Variants in C2orf81 observed in about 807,000 individuals in gnomAD.
The protein encoded by C2orf81 is uncharacterized protein C2orf81.
C2orf81 carries 5 observed loss-of-function variants against 7.9 expected under a neutral mutation model. The observed-to-expected ratio is 0.63, with a 90% CI of 0.33 to 1.33. The LOEUF is 1.33. Ranked by LOEUF, C2orf81 falls within the 40% of genes most tolerant of loss-of-function variation. The pLI, the probability that C2orf81 is intolerant of heterozygous loss-of-function variation, is 0.05. For missense variants in C2orf81, 781 were observed against 830.4 expected, an observed-to-expected ratio of 0.94 and a Z score of 0.73; for synonymous variants, 346 against 367.4, an observed-to-expected ratio of 0.94 and a Z score of 0.66.
At chr2:74,416,499 G>C (rs897977593) in intron 1 of C2orf81, 23 of 305,716 alleles carry the variant, frequency 7.5e-5, no homozygotes, top group Non-Finnish European at 1.0e-4. Flanking sequence ...CCCGGGAGAT[G>C]GAGGTTGCAG....
intron 1 of C2orf81, among the ~76,000 whole-genome samples, chr2:74,417,025 G>A (rs1178435278): frequency 6.6e-6 from 1 of 152,188 alleles, no homozygotes; most frequent in African/African-American, 2.4e-5. Context: ...AGCCTGCCAT[G>A]CCCCAGCCCC....
At chr2:74,416,327 A>G (rs987991470) in intron 1 of C2orf81, 86 bp from the exon 2 acceptor site, 19 of 990,674 alleles carry the variant, frequency 1.9e-5, no homozygotes, top group Non-Finnish European at 2.6e-5. Flanking sequence ...AGCTTTCTCA[A>G]GTTGTCTAGT....
Position 74,414,460 on chromosome 2 carries a change from C to G in C2orf81, c.1717G>C (p.Val573Leu). ...LPEALKLAPG[V>L]SMWNRSTQVL... ...TGGGTGCTCCGGTTCCACATGCTCA[C>G]ACCAGGGGCCAGCTTCAGGGCTTCT... Residue 573 changes from valine to leucine, a missense_variant, in exon 3 of 3, where the codon GTG becomes CTG. Physicochemically the swap from Val to Leu is conservative, Grantham distance 32. Transcript: ENST00000684111. This position sits in a 1 kb window ranked among gnomAD's most constrained non-coding sequence, Gnocchi z 5.3. 2 of 1,551,306 alleles carry G rather than the reference C, an allele frequency of 1.3e-6. No homozygotes were observed. Among genetic ancestry groups the G allele is most frequent in the Non-Finnish European group, 8.7e-7 (1 of 1,146,716 alleles).
At position 74,415,732 on chromosome 2, in the gene C2orf81, C is replaced by A; in HGVS notation, c.445G>T (p.Gly149Cys). ...ACTTCGCCTTGGAAGTTCTCCAGGC[C>A]CTCCGAGGTGGACGCGTGCAGCACG... ...VPVLHASTSE[G>C]LENFQGEVHS... Residue 149 changes from glycine (G) to cysteine (C), a missense_variant, in exon 3 of 3, where the codon GGC becomes TGC. Coordinates refer to ENST00000684111, the MANE Select transcript of C2orf81 (RefSeq NM_001316764.3). This position sits in a 1 kb window ranked among gnomAD's most constrained non-coding sequence, Gnocchi z 5.5. 1 of 1,551,580 alleles carries A rather than the reference C, an allele frequency of 6.4e-7. No individual in the cohort carries two copies. The highest frequency in any genetic ancestry group is 8.7e-7 in the Non-Finnish European group (1 of 1,147,000).
chr2:74,418,539 G>C, intron 1 of C2orf81: 1 of 810,546 alleles, frequency 1.2e-6, no homozygotes, highest in Non-Finnish European at 2.1e-6. Flanking sequence ...CGGGAGCAGC[G>C]GTGCTGGGCG....
At chr2:74,420,772 C>CTTTTTTTTTTTTTTTTTT (rs745827470) in intron 1 of C2orf81, among the ~76,000 whole-genome samples, 5 of 72,700 alleles carry the variant, frequency 6.9e-5, no homozygotes, top group Admixed American at 2.0e-4. Context: ...TCTTCTTCTT[C>CTTTTTTTTTTTTTTTTTT]TTTTTTTTTT....
chr2:74,415,600 G>T lies in C2orf81; in HGVS notation c.577C>A (p.Arg193=), dbSNP rs759254846. ...AFPQDPGGVD[R]IPLGRSWMGR... is the part of the protein sequence containing the mutation. ...ATCCACGACCTTCCTAAAGGGATCC[G>T]GTCCACGCCCCCAGGGTCCTGGGGA... The change falls in exon 3 of 3, where the codon CGG becomes AGG. Residue 193 remains arginine, a synonymous_variant. Coordinates refer to ENST00000684111, the MANE Select transcript of C2orf81 (RefSeq NM_001316764.3). The surrounding 1 kb of genome is among the most constrained non-coding windows in gnomAD (Gnocchi z 5.5). The T allele has an allele frequency of 1.3e-6, 2 of 1,551,196 alleles. No homozygotes were observed. Among genetic ancestry groups the T allele is most frequent in the Non-Finnish European group, 1.7e-6 (2 of 1,146,996 alleles).
At chr2:74,420,867 G>A (rs1676592721) in intron 1 of C2orf81, among the ~76,000 whole-genome samples, 1 of 122,362 alleles carries the variant, frequency 8.2e-6, no homozygotes, top group Non-Finnish European at 1.6e-5. Flanking sequence ...TGCAACCTCC[G>A]CCTCCCGAGT....
chr2:74,421,126 C>T (rs1676601667), intron 1 of C2orf81, among the ~76,000 whole-genome samples: 1 of 152,224 alleles, frequency 6.6e-6, no homozygotes, highest in South Asian at 2.1e-4. Flanking sequence ...AACAATTTGA[C>T]TTTCAAGTGC....
chr2:74,415,320 G>A lies in C2orf81; in HGVS notation c.857C>T (p.Ala286Val), dbSNP rs1469127491. The change falls in exon 3 of 3, where the codon GCC (alanine) becomes GTC (valine). Residue 286 changes from alanine to valine, a missense_variant. Transcript: ENST00000684111. The surrounding 1 kb of genome is among the most constrained non-coding windows in gnomAD (Gnocchi z 5.5). ...GAGGGGGTGTCCCCTCCCAGTTGAG[G>A]CCTGGGGGCTGGCTACCAGGTACGG... ...LDPYLVASPQ[A>V]STGRGHPLGF... 7 of 1,545,672 alleles carry A rather than the reference G, an allele frequency of 4.5e-6. No homozygotes were observed. Among genetic ancestry groups the A allele is most frequent in the African/African-American group, 1.4e-5 (1 of 72,868 alleles).
Position 74,415,587 on chromosome 2 carries a change from C to T in C2orf81, c.590G>A (p.Gly197Glu), listed in dbSNP as rs1676433323. The change falls in exon 3 of 3, where the codon GGA becomes GAA. Residue 197 changes from glycine (G) to glutamate (E), a missense_variant. Transcript: ENST00000684111. The surrounding 1 kb of genome is among the most constrained non-coding windows in gnomAD (Gnocchi z 5.5). ...DPGGVDRIPL[G>E]RSWMGRGSQE... ...GGAGCCTCGACCCATCCACGACCTT[C>T]CTAAAGGGATCCGGTCCACGCCCCC... is the stretch of plus-strand genomic sequence containing the variant. 2 of 1,551,344 alleles carry T rather than the reference C, an allele frequency of 1.3e-6. No homozygotes were observed. The highest frequency in any genetic ancestry group is 1.7e-6 in the Non-Finnish European group (2 of 1,146,996).
At position 74,415,960 on chromosome 2, in the gene C2orf81, G is replaced by A. The variant is rs2103832052; in HGVS notation, c.250-33C>T. 1 of 1,547,054 alleles carries A rather than the reference G, an allele frequency of 6.5e-7. No homozygotes were observed. The highest frequency in any genetic ancestry group is 8.7e-7 in the Non-Finnish European group (1 of 1,143,748). On this transcript the variant is annotated intron_variant, in intron 2 of 2. Coordinates refer to ENST00000684111, the MANE Select transcript of C2orf81 (RefSeq NM_001316764.3). This position sits in a 1 kb window ranked among gnomAD's most constrained non-coding sequence, Gnocchi z 5.5. ...GGCGAGAGAGGATCTCAGGTCGGCA[G>A]GGAGGGGCGGGAGAGGGAGACGAGT... is the stretch of plus-strand genomic sequence containing the variant.
chr2:74,418,318 A>G (rs1251394089), intron 1 of C2orf81: 4 of 1,605,528 alleles, frequency 2.5e-6, no homozygotes, highest in African/African-American at 1.3e-5. Flanking sequence ...CTGACTCCCT[A>G]CCAGCGCTGT....
chr2:74,418,175 G>GT lies in C2orf81; in HGVS notation c.19-1935dup, dbSNP rs1190618279. ...ATGCCCTTCTCTTCCTCCTTCTCCA[G>GT]TTTTTTGGGTCTTCCCCTTGGTTTC... On this transcript the variant is annotated intron_variant, in intron 1 of 2. Coordinates refer to ENST00000684111, the MANE Select transcript of C2orf81 (RefSeq NM_001316764.3). The GT allele has an allele frequency of 5.0e-6, 6 of 1,200,158 alleles. No individual in the cohort carries two copies. In the South Asian group the frequency reaches 7.7e-5, roughly 15 times the overall value. The allele number at this position is 1,200,158 out of a possible 1,614,324, so 74.3% of individuals were successfully genotyped here.
chr2:74,417,820 C>G (rs1015913491), intron 1 of C2orf81: 39 of 520,330 alleles, frequency 7.5e-5, no homozygotes, highest in Non-Finnish European at 1.3e-4. Context: ...GGATCAGGGA[C>G]GCAGCAGGTG....
Position 74,419,244 on chromosome 2 carries a change from C to T in C2orf81, c.18+2299G>A, listed in dbSNP as rs560918808. Among the ~76,000 whole-genome samples, 6 of 151,846 alleles carry T rather than the reference C, an allele frequency of 4.0e-5. No homozygotes were observed. In the East Asian group the frequency reaches 5.8e-4, roughly 15 times the overall value. On this transcript the variant is annotated intron_variant, in intron 1 of 2. Coordinates refer to ENST00000684111, the MANE Select transcript of C2orf81 (RefSeq NM_001316764.3). ...GAAGAAAAATGGCCAGGCACAGTGG[C>T]GCACACCCACAGTACCAGCTGCTCG...
At chr2:74,417,615 G>A (rs2103837237) in intron 1 of C2orf81, 5 of 1,021,386 alleles carry the variant, frequency 4.9e-6, no homozygotes, top group Non-Finnish European at 6.5e-6. Flanking sequence ...AATCCTGGGG[G>A]CCAGCACCCC....
In C2orf81 at chr2:74,416,160, G is replaced by A; in HGVS notation, c.100C>T (p.Gln34Ter). ...KVRPPTVPVP[Q>*]VDIVPGRLSE... is the part of the protein sequence containing the mutation. ...AGCCGCCCAGGCACAATATCCACCT[G>A]CGGCACTGGCACAGTGGGCGGCCGC... The change falls in exon 2 of 3, where the codon CAG becomes TAG. Residue 34 changes from glutamine (Q) to a stop codon, truncating the protein, a stop_gained. Coordinates refer to ENST00000684111, the MANE Select transcript of C2orf81 (RefSeq NM_001316764.3). LOFTEE classifies it high-confidence loss of function. The A allele has an allele frequency of 6.7e-7, 1 of 1,497,502 alleles. No homozygotes were observed. Among genetic ancestry groups the A allele is most frequent in the Admixed American group, 2.0e-5 (1 of 49,174 alleles). 92.8% of individuals were successfully genotyped at this position (1,497,502 alleles called of 1,614,324 possible).
Position 74,416,047 on chromosome 2 carries a change from G to A in C2orf81, c.213C>T (p.Val71=). The A allele has an allele frequency of 6.5e-7, 1 of 1,549,876 alleles. No homozygotes were observed. Among genetic ancestry groups the A allele is most frequent in the Non-Finnish European group, 8.7e-7 (1 of 1,146,692 alleles). ...GDILADLLAR[V]MDSAFKVYLT... ...GGTAGACTTTGAAAGCAGAGTCCAT[G>A]ACTCGAGCCAGCAAGTCGGCCAAGA... The change falls in exon 2 of 3, where the codon GTC becomes GTT. Residue 71 remains valine (V), a synonymous_variant. Transcript: ENST00000684111.
Sources: gnomAD v4.1 joint callset for allele counts (sites outside exome capture counted in the v4.1 genomes callset) on GRCh38, gnomAD v4.1.1 for gene constraint, Gnocchi (gnomAD v3.1) non-coding constraint, MANE v1.5 for transcripts, NCBI Gene and HGNC (gene_info 2026-07-23, HGNC 2026-07-21) for gene names.